Variants in SEMA5A observed in about 807,000 individuals in gnomAD.
SEMA5A encodes semaphorin-5A.
A neutral mutation model predicts 135.5 loss-of-function variants in SEMA5A; 55 were observed. The observed-to-expected ratio is 0.41, with a 90% CI of 0.33 to 0.51. SEMA5A has a LOEUF of 0.51. Ranked by LOEUF, SEMA5A falls within the 20% of genes least tolerant of loss-of-function variation. The pLI, the probability that SEMA5A is intolerant of heterozygous loss-of-function variation, is 0.37. For missense variants in SEMA5A, 1,290 were observed against 1,419.9 expected (o/e 0.91, Z 1.47); for synonymous variants, 580 against 546.5 (o/e 1.06, Z -0.85).
intron 4 of SEMA5A, among the ~76,000 whole-genome samples, chr5:9,331,895 A>C (rs999377609): frequency 6.6e-6 from 1 of 152,274 alleles, no homozygotes; most frequent in African/African-American, 2.4e-5. Flanking sequence ...CAAATGGTTC[A>C]AAATAATAAA....
intron 2 of SEMA5A, among the ~76,000 whole-genome samples, chr5:9,410,228 A>G (rs1345375095): frequency 6.6e-6 from 1 of 152,216 alleles, no homozygotes; most frequent in Non-Finnish European, 1.5e-5. Context: ...GTCTATTAAG[A>G]AAGTAAAAAT....
chr5:9,088,593 C>A (rs1037074756), intron 16 of SEMA5A, among the ~76,000 whole-genome samples: 3 of 145,418 alleles, frequency 2.1e-5, no homozygotes, highest in Non-Finnish European at 4.5e-5. Flanking sequence ...AGAATTTACA[C>A]AGGCAGACAA....
At chr5:9,467,208 G>C (rs778689714) in intron 1 of SEMA5A, among the ~76,000 whole-genome samples, 31 of 152,220 alleles carry the variant, frequency 2.0e-4, no homozygotes, top group Non-Finnish European at 1.5e-4. Flanking sequence ...CACCTCCTGG[G>C]TTCAAGCAAT....
intron 2 of SEMA5A, among the ~76,000 whole-genome samples, chr5:9,428,484 C>G (rs1017602008): frequency 2.0e-5 from 3 of 152,206 alleles, no homozygotes; most frequent in African/African-American, 7.2e-5. Flanking sequence ...AGGAAAGCAG[C>G]TACATTGGTT....
chr5:9,091,667 T>C (rs763889714), intron 16 of SEMA5A, among the ~76,000 whole-genome samples: 1 of 152,204 alleles, frequency 6.6e-6, no homozygotes, highest in Non-Finnish European at 1.5e-5. Context: ...ACAACCCTAC[T>C]GAAGACCCAC....
intron 16 of SEMA5A, among the ~76,000 whole-genome samples, chr5:9,107,882 T>C (rs1740007978): frequency 6.6e-6 from 1 of 152,182 alleles, no homozygotes; most frequent in Non-Finnish European, 1.5e-5. Flanking sequence ...GAACATCCAG[T>C]GTCTGGACAT....
At chr5:9,398,966 A>T (rs1561220780) in intron 2 of SEMA5A, among the ~76,000 whole-genome samples, 1 of 152,234 alleles carries the variant, frequency 6.6e-6, no homozygotes, top group Non-Finnish European at 1.5e-5. Flanking sequence ...TTGTACCATC[A>T]TCATCAAAGA....
At chr5:9,264,130 A>C (rs957085453) in intron 5 of SEMA5A, among the ~76,000 whole-genome samples, 2 of 152,266 alleles carry the variant, frequency 1.3e-5, no homozygotes, top group African/African-American at 4.8e-5. Context: ...ATATGGTAAG[A>C]TAAGAAGAGA....
At chr5:9,062,169 A>G (rs907773689) in intron 18 of SEMA5A, among the ~76,000 whole-genome samples, 1 of 152,016 alleles carries the variant, frequency 6.6e-6, no homozygotes, top group Admixed American at 6.5e-5. Flanking sequence ...CATGAACACA[A>G]TCTAGCCTAG....
At chr5:9,478,120 T>G (rs1759740153) in intron 1 of SEMA5A, among the ~76,000 whole-genome samples, 1 of 152,238 alleles carries the variant, frequency 6.6e-6, no homozygotes, top group Non-Finnish European at 1.5e-5. Flanking sequence ...CAAGAAGACT[T>G]GGCAGCTTCC....
intron 16 of SEMA5A, among the ~76,000 whole-genome samples, chr5:9,086,604 C>A (rs1240931521): frequency 1.3e-5 from 2 of 152,140 alleles, no homozygotes; most frequent in Non-Finnish European, 2.9e-5. Flanking sequence ...GACCAATGTA[C>A]AAAATTGGGT....
At chr5:9,098,365 G>A (rs978796983) in intron 16 of SEMA5A, among the ~76,000 whole-genome samples, 1 of 152,154 alleles carries the variant, frequency 6.6e-6, no homozygotes, top group African/African-American at 2.4e-5. Context: ...GACAAGGTGA[G>A]CTACAGAAAT....
At chr5:9,336,087 G>A (rs1291737185) in intron 4 of SEMA5A, among the ~76,000 whole-genome samples, 1 of 152,154 alleles carries the variant, frequency 6.6e-6, no homozygotes, top group African/African-American at 2.4e-5. Flanking sequence ...CTTGAGCCAG[G>A]TCCTTACTAC....
intron 1 of SEMA5A, among the ~76,000 whole-genome samples, chr5:9,532,154 C>G (rs920531563): frequency 6.6e-6 from 1 of 152,126 alleles, no homozygotes; most frequent in Non-Finnish European, 1.5e-5. Flanking sequence ...CAGTTTAGGA[C>G]AACAGAAAGT....
intron 2 of SEMA5A, among the ~76,000 whole-genome samples, chr5:9,403,529 T>C (rs1245708285): frequency 6.6e-6 from 1 of 152,206 alleles, no homozygotes; most frequent in Non-Finnish European, 1.5e-5. Flanking sequence ...AGCATATTAA[T>C]TGTACTTTCC....
At chr5:9,373,455 G>C (rs1755227235) in intron 3 of SEMA5A, among the ~76,000 whole-genome samples, 1 of 152,120 alleles carries the variant, frequency 6.6e-6, no homozygotes, top group South Asian at 2.1e-4. Context: ...GCCCAAGCTG[G>C]AGCAGTCATC....
intron 1 of SEMA5A, among the ~76,000 whole-genome samples, chr5:9,526,972 G>T (rs1031548498): frequency 1.3e-5 from 2 of 152,168 alleles, no homozygotes; most frequent in African/African-American, 4.8e-5. Flanking sequence ...CATTATCTTG[G>T]TGACAGACAT....
At chr5:9,369,389 T>G (rs1435007212) in intron 3 of SEMA5A, among the ~76,000 whole-genome samples, 2 of 152,218 alleles carry the variant, frequency 1.3e-5, no homozygotes, top group Non-Finnish European at 2.9e-5. Context: ...GTATGTGCTT[T>G]TCATATTCTA....
chr5:9,164,012 T>C (rs1292341231), intron 11 of SEMA5A, among the ~76,000 whole-genome samples: 1 of 143,858 alleles, frequency 7.0e-6, no homozygotes, highest in Non-Finnish European at 1.5e-5. Context: ...ATATAATATA[T>C]ATTTATAATA....
Sources: allele counts gnomAD v4.1 joint callset (sites outside exome capture counted in the v4.1 genomes callset), GRCh38; gene constraint gnomAD v4.1.1; transcripts MANE v1.5; gene names NCBI Gene and HGNC (gene_info 2026-07-23, HGNC 2026-07-21).